Variants in GRK1 observed in about 807,000 individuals in gnomAD.
The protein encoded by GRK1 is G protein-coupled receptor kinase 1, also known as rhodopsin kinase GRK1.
Under a neutral mutation model 41.7 loss-of-function variants are expected in GRK1, and 28 were observed. That is an observed-to-expected ratio of 0.67 (90% CI 0.50 to 0.92). The LOEUF is 0.92. Among genes scored for constraint, GRK1 ranks in the 40% least tolerant of loss-of-function variants. The pLI is 0.00. For synonymous variants in GRK1, 327 were observed against 286.7 expected (o/e 1.14, Z -1.42); for missense variants, 703 against 671.2 (o/e 1.05, Z -0.52).
chr13:113,656,093 G>A, the GRK1 span, among the ~76,000 whole-genome samples: 2 of 152,360 alleles, frequency 1.3e-5, no homozygotes, highest in East Asian at 1.9e-4. Flanking sequence ...CTTGGCTTCA[G>A]CCTCCGGTTT....
chr13:113,723,715 AT>A lies in GRK1; in HGVS notation c.1069+562del, dbSNP rs377555592. ...CCCAGCTTGACTCTTTCCTTTAGTG[AT>A]TTTGGGTCTCAAGATATTTTCCTTT... On this transcript the variant is annotated intron_variant, in intron 4 of 6. Coordinates refer to ENST00000335678, the MANE Select transcript of GRK1 (RefSeq NM_002929.3). Among the ~76,000 whole-genome samples the A allele has an allele frequency of 3.2e-4, 48 of 151,854 alleles. 2 individuals carry two copies. In the South Asian group the frequency reaches 9.8e-3, roughly 31 times the overall value.
chr13:113,671,592 C>G lies in GRK1; in HGVS notation c.921C>G (p.His307Gln). Residue 307 changes from histidine (H) to glutamine (Q), a missense_variant, in exon 3 of 7, where the codon CAC becomes CAG. His to Gln is a conservative substitution (Grantham distance 24, BLOSUM62 0). Transcript: ENST00000335678. This position sits in a 1 kb window ranked among gnomAD's most constrained non-coding sequence, Gnocchi z 4.1. The stretch of plus-strand genomic sequence containing the variant: ...CGCAGATCATCTGCGGCCTGGAGCA[C>G]CTGCACCAGAGGCGGATCGTCTACC... ...YTAQIICGLE[H>Q]LHQRRIVYRD... The G allele has an allele frequency of 1.3e-6, 1 of 775,298 alleles. No individual in the cohort carries two copies. The highest frequency in any genetic ancestry group is 2.4e-6 in the Non-Finnish European group (1 of 417,924). 48.0% of individuals were successfully genotyped at this position (775,298 alleles called of 1,614,324 possible).
chr13:113,650,174 A>C, the GRK1 span, among the ~76,000 whole-genome samples: 2 of 152,092 alleles, frequency 1.3e-5, no homozygotes, highest in African/African-American at 4.8e-5. The surrounding 1 kb of genome is among the most constrained non-coding windows in gnomAD (Gnocchi z 5.0). Context: ...GTCTCAAAAA[A>C]AAAAAAAAAA....
At chr13:113,725,267 C>G (rs1401032653) in intron 4 of GRK1, among the ~76,000 whole-genome samples, 1 of 151,544 alleles carries the variant, frequency 6.6e-6, no homozygotes, top group Non-Finnish European at 1.5e-5. Flanking sequence ...GACCCAGGGG[C>G]GTGCACAGGG....
the GRK1 span, chr13:113,649,466 C>T: frequency 1.3e-5 from 21 of 1,563,302 alleles, no homozygotes; most frequent in South Asian, 7.0e-5. This position sits in a 1 kb window ranked among gnomAD's most constrained non-coding sequence, Gnocchi z 4.7. Context: ...ACCTTGCACA[C>T]GATGGCGACC....
At chr13:113,658,167 C>A in the GRK1 span, 1 of 1,599,360 alleles carries the variant, frequency 6.3e-7, no homozygotes, top group Non-Finnish European at 8.5e-7. Context: ...GAGATCCTCC[C>A]GTCTGCTCCC....
At chr13:113,652,716 G>GTGC in the GRK1 span, 1 of 796,802 alleles carries the variant, frequency 1.3e-6, no homozygotes, top group South Asian at 1.5e-5. Flanking sequence ...CACGGGACAG[G>GTGC]TGCGTGCCAA....
upstream of GRK1, among the ~76,000 whole-genome samples, chr13:113,664,812 G>A (rs1397602718): frequency 6.6e-6 from 1 of 152,240 alleles, no homozygotes; most frequent in African/African-American, 2.4e-5. This position sits in a 1 kb window ranked among gnomAD's most constrained non-coding sequence, Gnocchi z 5.4. Context: ...GCAGCGAGAC[G>A]TCAGCAGAGA....
chr13:113,668,636 A>G (rs1440056041), intron 1 of GRK1, among the ~76,000 whole-genome samples: 2 of 152,190 alleles, frequency 1.3e-5, no homozygotes, highest in South Asian at 2.1e-4. Flanking sequence ...AGGCCGCTCT[A>G]AGTTTCATCC....
At chr13:113,728,444 C>G (rs1187690563) in intron 4 of GRK1, among the ~76,000 whole-genome samples, 2 of 146,298 alleles carry the variant, frequency 1.4e-5, no homozygotes, top group Admixed American at 6.8e-5. Flanking sequence ...ATGAGGAGTA[C>G]CCATGGCGAG....
upstream of GRK1, among the ~76,000 whole-genome samples, chr13:113,664,259 G>A (rs1052991417): frequency 2.6e-5 from 4 of 152,150 alleles, no homozygotes; most frequent in African/African-American, 9.7e-5. This position sits in a 1 kb window ranked among gnomAD's most constrained non-coding sequence, Gnocchi z 5.4. Flanking sequence ...AGCACAGGAG[G>A]GTCCCGTGGA....
the GRK1 span, chr13:113,654,742 GGC>G: frequency 8.3e-5 from 128 of 1,542,390 alleles, no homozygotes; most frequent in Non-Finnish European, 8.9e-5. Context: ...GGGTCCCCCG[GGC>G]GTCTCCAGAG....
Position 113,668,056 on chromosome 13 carries a change from A to G in GRK1, c.670A>G (p.Lys224Glu), listed in dbSNP as rs753603114. The G allele has an allele frequency of 6.2e-7, 1 of 1,609,658 alleles. No individual in the cohort carries two copies. Among genetic ancestry groups the G allele is most frequent in the East Asian group, 2.2e-5 (1 of 44,734 alleles). ...GTATGCCTGCAAGAAGCTGAACAAG[A>G]AGCGGCTGAAGAAGAGGAAGGGCTA... The part of the protein sequence containing the change: ...KLYACKKLNK[K>E]RLKKRKGYQG... The change falls in exon 1 of 7, where the codon AAG (lysine) becomes GAG (glutamate). Residue 224 changes from lysine (K) to glutamate (E), a missense_variant. Transcript: ENST00000335678.
chr13:113,732,588 G>T (rs551653490), intron 5 of GRK1, among the ~76,000 whole-genome samples: 2 of 152,222 alleles, frequency 1.3e-5, no homozygotes, highest in Admixed American at 1.3e-4. Context: ...CTGGGCCCGC[G>T]CTGGCCTTCA....
At chr13:113,650,627 A>G in the GRK1 span, 53 of 662,034 alleles carry the variant, frequency 8.0e-5, no homozygotes, top group Non-Finnish European at 1.3e-4. This position sits in a 1 kb window ranked among gnomAD's most constrained non-coding sequence, Gnocchi z 5.0. Flanking sequence ...TAAACACTTT[A>G]TTGCATACTT....
intron 6 of GRK1, among the ~76,000 whole-genome samples, chr13:113,733,990 A>C (rs879778620): frequency 8.2e-6 from 1 of 121,988 alleles, no homozygotes; most frequent in Non-Finnish European, 1.7e-5. Flanking sequence ...ATGTGTGTGC[A>C]TACATGTGTG....
At chr13:113,667,116 T>G, upstream of GRK1, 4 of 402,924 alleles carry the variant, frequency 9.9e-6, no homozygotes, top group Non-Finnish European at 1.8e-5. This position sits in a 1 kb window ranked among gnomAD's most constrained non-coding sequence, Gnocchi z 7.5. Context: ...GCTCAGGGGA[T>G]TGTCTTTTTC....
chr13:113,651,685 C>T, the GRK1 span: 1 of 1,613,350 alleles, frequency 6.2e-7, no homozygotes, highest in Non-Finnish European at 8.5e-7. Flanking sequence ...AAGGCGCAGT[C>T]CACTCTGGGG....
At chr13:113,727,810 C>T (rs1314333016) in intron 4 of GRK1, among the ~76,000 whole-genome samples, 1 of 78,942 alleles carries the variant, frequency 1.3e-5, no homozygotes, top group Non-Finnish European at 2.7e-5. Flanking sequence ...GGACCCATGG[C>T]GATGAGGAGT....
Sources: gnomAD v4.1 joint callset for allele counts (sites outside exome capture counted in the v4.1 genomes callset) on GRCh38, gnomAD v4.1.1 for gene constraint, Gnocchi (gnomAD v3.1) non-coding constraint, MANE v1.5 for transcripts, NCBI Gene and HGNC (gene_info 2026-07-23, HGNC 2026-07-21) for gene names.